LSM12: variants seen among roughly 807,000 people sequenced by gnomAD.
The protein encoded by LSM12 is protein LSM12.
For synonymous variants in LSM12, 74 were observed against 87.3 expected, an observed-to-expected ratio of 0.85 and a Z score of 0.85; for missense variants, 108 against 238.9, an observed-to-expected ratio of 0.45 and a Z score of 3.61.
At chr17:44,037,340 G>T (rs1194050082) in intron 4 of LSM12, 72 bp downstream of exon 4, 2 of 1,487,648 alleles carry the variant, frequency 1.3e-6, no homozygotes, top group Non-Finnish European at 1.8e-6. Flanking sequence ...CAATGTCCTG[G>T]TCTGGTGCTA....
intron 2 of LSM12, among the ~76,000 whole-genome samples, chr17:44,041,334 AACACACACAC>A (rs1389054042): frequency 3.8e-5 from 4 of 104,590 alleles, no homozygotes; most frequent in Non-Finnish European, 7.7e-5. Context: ...CACACACACA[AACACACACAC>A]ACACACAGAA....
Position 44,036,094 on chromosome 17 carries a change from G to C in LSM12, c.*114C>G. The C allele has an allele frequency of 2.4e-6, 2 of 841,980 alleles. No homozygotes were observed. The highest frequency in any genetic ancestry group is 3.6e-6 in the Non-Finnish European group (2 of 548,682). 52.2% of individuals were successfully genotyped at this position (841,980 alleles called of 1,614,324 possible). ...TAAGATTTGGAAATGCTGACCCTTT[G>C]TTAAGAGCCAACAGGACATATAGGA... On this transcript the variant is annotated 3_prime_UTR_variant, in exon 5 of 5. Coordinates refer to ENST00000293406, the MANE Select transcript of LSM12 (RefSeq NM_001371445.1).
chr17:44,050,854 G>A (rs2049633864), intron 2 of LSM12, among the ~76,000 whole-genome samples: 1 of 152,158 alleles, frequency 6.6e-6, no homozygotes, highest in Non-Finnish European at 1.5e-5. Flanking sequence ...ACTGTTCCTG[G>A]ACAGGCATGG....
At chr17:44,040,390 T>C (rs1251293349) in intron 2 of LSM12, 134 bp from the exon 3 acceptor site, 1 of 649,476 alleles carries the variant, frequency 1.5e-6, no homozygotes, top group Non-Finnish European at 2.7e-6. Context: ...AAATGAAAAG[T>C]GAAACAAATT....
intron 2 of LSM12, among the ~76,000 whole-genome samples, chr17:44,061,170 A>G (rs1276672442): frequency 1.3e-5 from 2 of 152,016 alleles, no homozygotes; most frequent in Non-Finnish European, 2.9e-5. Context: ...ATACAAAATT[A>G]GCTGGGTGTG....
chr17:44,065,194 G>C (rs1321817269), intron 1 of LSM12, among the ~76,000 whole-genome samples: 1 of 151,996 alleles, frequency 6.6e-6, no homozygotes, highest in East Asian at 1.9e-4. Flanking sequence ...CAGCACTTTG[G>C]GAGGCTGAAG....
chr17:44,045,605 C>A (rs1029008632), intron 2 of LSM12, among the ~76,000 whole-genome samples: 1 of 151,990 alleles, frequency 6.6e-6, no homozygotes, highest in Non-Finnish European at 1.5e-5. Flanking sequence ...GAGTCTCACT[C>A]TATCACCCAG....
Position 44,040,403 on chromosome 17 carries a change from A to G in LSM12, c.259-147T>C, listed in dbSNP as rs75745125. 1,895 of 610,498 alleles carry G rather than the reference A, an allele frequency of 3.1e-3. 29 individuals are homozygous for G. The African/African-American group carries it at 0.031, about 10-fold the overall frequency. The allele number at this position is 610,498 out of a possible 1,614,324, so 37.8% of individuals were successfully genotyped here. A position where few individuals can be genotyped will look rare whatever the true frequency, so the allele number is the denominator to read the frequency against. Reference sequence around the variant, plus strand: ...AGAAATGAAAAGTGAAACAAATTTTAAAAATCCACGACATACCTGAACAGT... The same window carrying G: ...AGAAATGAAAAGTGAAACAAATTTTGAAAATCCACGACATACCTGAACAGT... On this transcript the variant is annotated intron_variant, in intron 2 of 4. Transcript: ENST00000293406.
In LSM12 at chr17:44,037,486, C is replaced by T; in HGVS notation, c.421G>A (p.Val141Ile). Residue 141 changes from valine to isoleucine, a missense_variant, in exon 4 of 5, where the codon GTT becomes ATT. Coordinates refer to ENST00000293406, the MANE Select transcript of LSM12 (RefSeq NM_001371445.1). ...TCCACTTGATATGGGGGTGTAATAA[C>T]AACTTCTTCCATGACTACGATGTTT... Reference protein sequence around the residue: ...EKNIVVMEEVVITPPYQVENC... With the variant: ...EKNIVVMEEVIITPPYQVENC... 1 of 1,611,002 alleles carries T rather than the reference C, an allele frequency of 6.2e-7. No individual in the cohort carries two copies. The highest frequency in any genetic ancestry group is 8.5e-7 in the Non-Finnish European group (1 of 1,178,798).
chr17:44,047,742 GTT>G (rs528238771), intron 2 of LSM12, among the ~76,000 whole-genome samples: 1 of 141,116 alleles, frequency 7.1e-6, no homozygotes, highest in African/African-American at 2.6e-5. Context: ...TGTTTGTTCT[GTT>G]TTTTTTTTTT....
chr17:44,042,797 G>A (rs1447316784), intron 2 of LSM12, among the ~76,000 whole-genome samples: 1 of 152,122 alleles, frequency 6.6e-6, no homozygotes, highest in Non-Finnish European at 1.5e-5. Context: ...TCGATCTCCT[G>A]ACCTCGTGAT....
chr17:44,048,649 G>T (rs753191425), intron 2 of LSM12, among the ~76,000 whole-genome samples: 11 of 151,966 alleles, frequency 7.2e-5, no homozygotes, highest in Non-Finnish European at 1.6e-4. Context: ...GAACACACTG[G>T]GTTCAGGCAA....
In LSM12 at chr17:44,037,724, A is replaced by G. The variant is rs949136903; in HGVS notation, c.369-186T>C. On this transcript the variant is annotated intron_variant, in intron 3 of 4. Coordinates refer to ENST00000293406, the MANE Select transcript of LSM12 (RefSeq NM_001371445.1). ...CTTGGGTGCCACTGGCTAGAAAAGC[A>G]ATGAAACTCATGCACATTTATTCTT... Among the ~76,000 whole-genome samples, 42 of 152,178 alleles carry G rather than the reference A, an allele frequency of 2.8e-4. 1 individual carries two copies. Among genetic ancestry groups the G allele is most frequent in the Non-Finnish European group, 1.6e-4 (11 of 68,046 alleles).
chr17:44,046,357 A>T (rs2049564726), intron 2 of LSM12, among the ~76,000 whole-genome samples: 1 of 152,112 alleles, frequency 6.6e-6, no homozygotes, highest in Non-Finnish European at 1.5e-5. Flanking sequence ...GTCATATGGT[A>T]AGTGTATGTT....
chr17:44,039,471 TC>T (rs1180620292), intron 3 of LSM12, among the ~76,000 whole-genome samples: 1 of 125,362 alleles, frequency 8.0e-6, no homozygotes, highest in Non-Finnish European at 1.6e-5. Context: ...AAGCTCCGCC[TC>T]CCGGGTTCAC....
chr17:44,065,766 TAAGCCCCTGGC>T (rs2049864996), intron 1 of LSM12, among the ~76,000 whole-genome samples: 1 of 152,004 alleles, frequency 6.6e-6, no homozygotes, highest in Non-Finnish European at 1.5e-5. Flanking sequence ...CCAAACCACA[TAAGCCCCTGGC>T]AAGCCCTCTC....
At chr17:44,039,543 G>A (rs897759102) in intron 3 of LSM12, among the ~76,000 whole-genome samples, 42 of 150,596 alleles carry the variant, frequency 2.8e-4, no homozygotes, top group African/African-American at 8.5e-4. Context: ...CACCGCGCCC[G>A]GCTAATTTTT....
At chr17:44,036,890 G>A (rs1302398654) in intron 4 of LSM12, 1 of 155,566 alleles carries the variant, frequency 6.4e-6, no homozygotes, top group Non-Finnish European at 1.4e-5. Flanking sequence ...GGGAGGCCAA[G>A]GTGGGCAGAT....
rs1240231045 is a variant in LSM12, at chr17:44,063,657, C to T, written c.258+144G>A. 14 of 986,592 alleles carry T rather than the reference C, an allele frequency of 1.4e-5. No individual in the cohort carries two copies. The East Asian group carries it at 3.7e-4, about 26-fold the overall frequency. The allele number at this position is 986,592 out of a possible 1,614,324, so 61.1% of individuals were successfully genotyped here. A position where few individuals can be genotyped will look rare whatever the true frequency, so the allele number is the denominator to read the frequency against. On this transcript the variant is annotated intron_variant, in intron 2 of 4. Coordinates refer to ENST00000293406, the MANE Select transcript of LSM12 (RefSeq NM_001371445.1). ...CCAGGAATAAAGAGAAAAACTAAACCTACATTTTTTAAAAAGATATCAGAA... is the reference window on the plus strand; with the variant it reads ...CCAGGAATAAAGAGAAAAACTAAACTTACATTTTTTAAAAAGATATCAGAA...
Sources: allele counts gnomAD v4.1 joint callset (sites outside exome capture counted in the v4.1 genomes callset), GRCh38; gene constraint gnomAD v4.1.1; transcripts MANE v1.5; gene names NCBI Gene and HGNC (gene_info 2026-07-23, HGNC 2026-07-21).